FDX1: variants seen among roughly 807,000 people sequenced by gnomAD.
FDX1 encodes the protein adrenodoxin, mitochondrial.
In FDX1, 9 loss-of-function variants were observed where a neutral mutation model predicts 14.9. The ratio of observed to expected loss-of-function variants is 0.60; its 90% CI spans 0.36 to 1.05. The LOEUF (loss-of-function observed/expected upper bound fraction) is 1.05. FDX1 is among the 50% of genes least tolerant of loss of function. The pLI, the probability that FDX1 is intolerant of heterozygous loss-of-function variation, is 0.01. For missense variants in FDX1, 204 were observed against 237.2 expected (o/e 0.86, Z 0.92); for synonymous variants, 92 against 99.4 (o/e 0.93, Z 0.44).
chr11:110,451,144 G>C (rs1238025967), intron 2 of FDX1, among the ~76,000 whole-genome samples: 1 of 147,694 alleles, frequency 6.8e-6, no homozygotes, highest in Admixed American at 6.8e-5. Flanking sequence ...AAAAAAAAAA[G>C]CTCCCCATTT....
chr11:110,447,176 G>GA (rs1565382687), intron 2 of FDX1, among the ~76,000 whole-genome samples: 2 of 45,694 alleles, frequency 4.4e-5, no homozygotes, highest in Non-Finnish European at 8.9e-5. Flanking sequence ...ACTCCATCTT[G>GA]GAAAAAAAAA....
chr11:110,444,694 A>ATATG (rs1946432869), intron 2 of FDX1, among the ~76,000 whole-genome samples: 1 of 77,656 alleles, frequency 1.3e-5, no homozygotes, highest in African/African-American at 6.8e-5. Flanking sequence ...ACACGTATAT[A>ATATG]TATATATATA....
At position 110,457,021 on chromosome 11, in the gene FDX1, C is replaced by T. The variant is rs118180369; in HGVS notation, c.414C>T (p.Leu138=). 1.0e-3 allele frequency: 1,660 copies of T among 1,613,010 alleles called. 22 individuals are homozygous for T. In the Admixed American group the frequency reaches 0.019, roughly 19 times the overall value. ...DAITDEENDM[L]DLAYGLTDRS... is the part of the protein sequence containing the mutation. The stretch of plus-strand genomic sequence containing the variant: ...TCACTGATGAGGAGAATGACATGCT[C>T]GATCTGGCATATGGACTAACAGACA... The change falls in exon 3 of 4, where the codon CTC becomes CTT. Residue 138 remains leucine, a synonymous_variant. Coordinates refer to ENST00000260270, the MANE Select transcript of FDX1 (RefSeq NM_004109.5).
rs1946576210 is a variant in FDX1, at chr11:110,463,953, C to A, written c.*1485C>A. Reference sequence around the variant, plus strand: ...CGGGGGACAGGGTCTTACTCTGTCACTCAGGCCAGAGTACAATAGTATGAT... The same window carrying A: ...CGGGGGACAGGGTCTTACTCTGTCAATCAGGCCAGAGTACAATAGTATGAT... On this transcript the variant is annotated 3_prime_UTR_variant, in exon 4 of 4. Coordinates refer to ENST00000260270, the MANE Select transcript of FDX1 (RefSeq NM_004109.5). The A allele has an allele frequency of 6.8e-6, 1 of 147,294 alleles. No individual in the cohort carries two copies. Among genetic ancestry groups the A allele is most frequent in the Non-Finnish European group, 1.5e-5 (1 of 67,436 alleles). The allele number at this position is 147,294 out of a possible 1,614,324, so 9.1% of individuals were successfully genotyped here. A position where few individuals can be genotyped will look rare whatever the true frequency, so the allele number is the denominator to read the frequency against.
At position 110,446,581 on chromosome 11, in the gene FDX1, G is replaced by A. The variant is rs142019835; in HGVS notation, c.311-10337G>A. Among the ~76,000 whole-genome samples, 701 of 152,234 alleles carry A rather than the reference G, an allele frequency of 4.6e-3. 5 individuals carry two copies. The highest frequency in any genetic ancestry group is 0.016 in the African/African-American group (672 of 41,536). On this transcript the variant is annotated intron_variant, in intron 2 of 3. Coordinates refer to ENST00000260270, the MANE Select transcript of FDX1 (RefSeq NM_004109.5). Reference sequence around the variant, plus strand: ...GCCTTTTTTCCTCCTGATGAAACCTGTCCTTCCTCGAGTCTTTCCTACCTC... The same window carrying A: ...GCCTTTTTTCCTCCTGATGAAACCTATCCTTCCTCGAGTCTTTCCTACCTC...
chr11:110,431,450 G>C (rs538923457), intron 1 of FDX1, among the ~76,000 whole-genome samples: 2 of 152,266 alleles, frequency 1.3e-5, no homozygotes, highest in East Asian at 3.9e-4. Flanking sequence ...CAGGGTCTAA[G>C]ACTTTCAGTC....
chr11:110,458,732 C>T lies in FDX1; in HGVS notation c.440+1685C>T, dbSNP rs367664229. 2.5e-3 allele frequency among the ~76,000 whole-genome samples: 379 copies of T among 152,056 alleles called. 4 individuals are homozygous for T. Among genetic ancestry groups the T allele is most frequent in the African/African-American group, 7.9e-3 (327 of 41,496 alleles). On this transcript the variant is annotated intron_variant, in intron 3 of 3. Transcript: ENST00000260270. ...AAGCAATTATCCTGCCTCAGCCTCC[C>T]GAGTAGCTGGGATTACAGGTGCCTG... is the stretch of plus-strand genomic sequence containing the variant.
chr11:110,436,694 C>G (rs193036341), intron 2 of FDX1, among the ~76,000 whole-genome samples: 5 of 151,410 alleles, frequency 3.3e-5, no homozygotes, highest in East Asian at 2.0e-4. Context: ...GTTTGAGAAC[C>G]ACTGGTCTGG....
intron 2 of FDX1, 75 bp from the exon 3 acceptor site, chr11:110,456,843 A>G: frequency 1.4e-6 from 2 of 1,471,488 alleles, no homozygotes; most frequent in Non-Finnish European, 1.8e-6. Flanking sequence ...TCTAACATTT[A>G]GAAGCCTTTA....
intron 1 of FDX1, 32 bp downstream of exon 1, chr11:110,430,337 C>T (rs1421100284): frequency 8.5e-7 from 1 of 1,176,590 alleles, no homozygotes; most frequent in Admixed American, 4.5e-5. Flanking sequence ...ATCGCCGGCG[C>T]GGGCCGGGGT....
At chr11:110,453,701 A>C (rs115802718) in intron 2 of FDX1, among the ~76,000 whole-genome samples, 1,740 of 152,154 alleles carry the variant, frequency 0.011, 33 homozygotes, top group African/African-American at 0.039. Context: ...TGGATTTTTG[A>C]AAGATTGAAA....
rs1036777101 is a variant in FDX1 at position 110,462,796 on chromosome 11, A to G, written c.*328A>G. ...TGTTTACCTAGAAGATAGGTTAAGG[A>G]AATATATTATTATTCCTGTTTGATG... is the stretch of plus-strand genomic sequence containing the variant. On this transcript the variant is annotated 3_prime_UTR_variant, in exon 4 of 4. Coordinates refer to ENST00000260270, the MANE Select transcript of FDX1 (RefSeq NM_004109.5). 7 of 193,074 alleles carry G rather than the reference A, an allele frequency of 3.6e-5. No individual in the cohort carries two copies. Among genetic ancestry groups the G allele is most frequent in the African/African-American group, 1.4e-4 (6 of 42,668 alleles). The allele number at this position is 193,074 out of a possible 1,614,324, so 12.0% of individuals were successfully genotyped here.
In FDX1 at chr11:110,444,663, T is replaced by C. The variant is rs1253089413; in HGVS notation, c.310+8705T>C. ...GTGTGTGTGTGTGTATATATATATA[T>C]ACGTATATATATATATATATACACG... On this transcript the variant is annotated intron_variant, in intron 2 of 3. Transcript: ENST00000260270. 2.0e-4 allele frequency among the ~76,000 whole-genome samples: 14 copies of C among 68,682 alleles called. 1 individual carries two copies. The South Asian group carries it at 2.2e-3, about 11-fold the overall frequency. 45.1% of individuals were successfully genotyped at this position (68,682 alleles called of 152,430 possible).
At chr11:110,442,700 C>T (rs1170139531) in intron 2 of FDX1, among the ~76,000 whole-genome samples, 1 of 152,148 alleles carries the variant, frequency 6.6e-6, no homozygotes. Flanking sequence ...TTGGATGAGA[C>T]TTTGGACTGT....
Position 110,430,072 on chromosome 11 carries a change from G to A in FDX1, c.-49G>A. 8.4e-7 allele frequency: 1 copy of A among 1,191,488 alleles called. No homozygotes were observed. Among genetic ancestry groups the A allele is most frequent in the Non-Finnish European group, 1.0e-6 (1 of 956,732 alleles). The allele number at this position is 1,191,488 out of a possible 1,614,324, so 73.8% of individuals were successfully genotyped here. On this transcript the variant is annotated 5_prime_UTR_variant, in exon 1 of 4. Coordinates refer to ENST00000260270, the MANE Select transcript of FDX1 (RefSeq NM_004109.5). ...CCCCGCCTCTTTGGAGTCTCTCGCGGCCTCAAAGCGCGGCCTGCGTCGCTT... is the reference window on the plus strand; with the variant it reads ...CCCCGCCTCTTTGGAGTCTCTCGCGACCTCAAAGCGCGGCCTGCGTCGCTT...
At chr11:110,457,623 T>A (rs1484444171) in intron 3 of FDX1, among the ~76,000 whole-genome samples, 1 of 152,120 alleles carries the variant, frequency 6.6e-6, no homozygotes, top group Non-Finnish European at 1.5e-5. Flanking sequence ...TTGGAGTCAA[T>A]GAAGGTAGCT....
chr11:110,442,843 G>C (rs992391781), intron 2 of FDX1, among the ~76,000 whole-genome samples: 1 of 152,164 alleles, frequency 6.6e-6, no homozygotes, highest in African/African-American at 2.4e-5. Flanking sequence ...CTCCTATCCA[G>C]ACCTCATCTT....
chr11:110,456,314 T>A (rs1227278987), intron 2 of FDX1, among the ~76,000 whole-genome samples: 1 of 152,136 alleles, frequency 6.6e-6, no homozygotes, highest in Non-Finnish European at 1.5e-5. Flanking sequence ...ATGTCTCAGC[T>A]TATTAACTTG....
chr11:110,455,662 A>G (rs997861027), intron 2 of FDX1, among the ~76,000 whole-genome samples: 4 of 152,184 alleles, frequency 2.6e-5, no homozygotes, highest in Non-Finnish European at 5.9e-5. Flanking sequence ...GAAAAGCCCA[A>G]CTGGCCTGAG....
Sources: gnomAD v4.1 joint callset for allele counts (sites outside exome capture counted in the v4.1 genomes callset) on GRCh38, gnomAD v4.1.1 for gene constraint, MANE v1.5 for transcripts, NCBI Gene and HGNC (gene_info 2026-07-23, HGNC 2026-07-21) for gene names.